The following PLAT variants were observed in gnomAD, a reference collection of about 807,000 sequenced individuals.
PLAT encodes tissue-type plasminogen activator.
Under a neutral mutation model 74.9 loss-of-function variants are expected in PLAT, and 48 were observed. The ratio of observed to expected loss-of-function variants is 0.64; its 90% CI spans 0.51 to 0.82. The LOEUF is 0.82. Among genes scored for constraint, PLAT ranks in the 40% least tolerant of loss-of-function variants. PLAT has a pLI of 0.00. For missense variants in PLAT, 673 were observed against 736.2 expected (o/e 0.91, Z 0.99); for synonymous variants, 307 against 294.4 (o/e 1.04, Z -0.44).
At chr8:42,184,146 G>A (rs1310777081) in intron 7 of PLAT, among the ~76,000 whole-genome samples, 2 of 151,884 alleles carry the variant, frequency 1.3e-5, no homozygotes, top group African/African-American at 4.8e-5. Context: ...TCACTTTGTT[G>A]CCCAGGCTGG....
At chr8:42,194,794 A>ACCCC (rs8178720) in intron 1 of PLAT, among the ~76,000 whole-genome samples, 1 of 121,820 alleles carries the variant, frequency 8.2e-6, no homozygotes, top group Non-Finnish European at 1.7e-5. Flanking sequence ...CTCCACGCCC[A>ACCCC]CCCCCCCCAC....
intron 1 of PLAT, among the ~76,000 whole-genome samples, chr8:42,194,794 A>ACCCCCCCCCCC (rs8178720): frequency 8.2e-6 from 1 of 121,812 alleles, no homozygotes; most frequent in African/African-American, 3.6e-5. Flanking sequence ...CTCCACGCCC[A>ACCCCCCCCCCC]CCCCCCCCAC....
chr8:42,203,992 T>TATATATATATACACAC (rs1554499838), intron 1 of PLAT, among the ~76,000 whole-genome samples: 1 of 109,894 alleles, frequency 9.1e-6, no homozygotes, highest in African/African-American at 5.2e-5. Flanking sequence ...TATATATATA[T>TATATATATATACACAC]ACACACACAC....
rs1220576022 is a variant in PLAT, at chr8:42,175,428, A to G, written c.*565T>C. 6.5e-6 allele frequency: 1 copy of G among 153,248 alleles called. No individual in the cohort carries two copies. The highest frequency in any genetic ancestry group is 1.5e-5 in the Non-Finnish European group (1 of 68,732). The allele number at this position is 153,248 out of a possible 1,614,324, so 9.5% of individuals were successfully genotyped here. On this transcript the variant is annotated 3_prime_UTR_variant, in exon 14 of 14. Transcript: ENST00000220809. The stretch of plus-strand genomic sequence containing the variant: ...TTACACTTTACACACTGTACACAAA[A>G]GGAATACCTTCTGAGAGCCAGGGAG...
chr8:42,179,402 C>T (rs974407870), intron 12 of PLAT, among the ~76,000 whole-genome samples: 5 of 152,144 alleles, frequency 3.3e-5, no homozygotes, highest in Non-Finnish European at 5.9e-5. Flanking sequence ...ACTGTAACAA[C>T]CAAAAACGTC....
rs182940509 is a variant in PLAT, at chr8:42,193,258, A to G, written c.-26-47T>C. On this transcript the variant is annotated intron_variant, in intron 1 of 13. Coordinates refer to ENST00000220809, the MANE Select transcript of PLAT (RefSeq NM_000930.5). Reference sequence around the variant, plus strand: ...CTTGATCACGGGGTGCGAGAGGTCCATGATGGCAACAGAGGAGGATAAGCC... The same window carrying G: ...CTTGATCACGGGGTGCGAGAGGTCCGTGATGGCAACAGAGGAGGATAAGCC... 4.4e-4 allele frequency: 543 copies of G among 1,240,610 alleles called. 2 individuals carry two copies. The African/African-American group carries it at 7.3e-3, about 17-fold the overall frequency. 76.9% of individuals were successfully genotyped at this position (1,240,610 alleles called of 1,614,324 possible). A position where few individuals can be genotyped will look rare whatever the true frequency, so the allele number is the denominator to read the frequency against.
chr8:42,186,606 G>A (rs775291546), intron 6 of PLAT: 8 of 152,208 alleles, frequency 5.3e-5, no homozygotes, highest in Non-Finnish European at 1.0e-4. Context: ...TCCTGAGGCT[G>A]TGTCACGGGG....
In PLAT at chr8:42,181,976, G is replaced by C; in HGVS notation, c.850C>G (p.Arg284Gly). The C allele has an allele frequency of 6.2e-7, 1 of 1,612,816 alleles. No homozygotes were observed. The highest frequency in any genetic ancestry group is 1.1e-5 in the South Asian group (1 of 91,056). ...AKPWCHVLKN[R>G]RLTWEYCDVP... Reference sequence around the variant, plus strand: ...TCACAGTACTCCCACGTCAGCCTGCGGTTCTTCAGCACGTGGCACCAGGGC... The same window carrying C: ...TCACAGTACTCCCACGTCAGCCTGCCGTTCTTCAGCACGTGGCACCAGGGC... The change falls in exon 9 of 14, where the codon CGC (arginine) becomes GGC (glycine). Residue 284 changes from arginine (R) to glycine (G), a missense_variant. Transcript: ENST00000220809.
At position 42,175,627 on chromosome 8, in the gene PLAT, A is replaced by G. The variant is rs1804938704; in HGVS notation, c.*366T>C. Reference sequence around the variant, plus strand: ...TCTTGTTATCTTTTACTATTGAGACATGCTTTCATTTTTGTGGTCCTGTTT... The same window carrying G: ...TCTTGTTATCTTTTACTATTGAGACGTGCTTTCATTTTTGTGGTCCTGTTT... On this transcript the variant is annotated 3_prime_UTR_variant, in exon 14 of 14. Coordinates refer to ENST00000220809, the MANE Select transcript of PLAT (RefSeq NM_000930.5). 5.3e-6 allele frequency: 1 copy of G among 188,494 alleles called. No individual in the cohort carries two copies. The highest frequency in any genetic ancestry group is 2.3e-5 in the African/African-American group (1 of 43,274). The allele number at this position is 188,494 out of a possible 1,614,324, so 11.7% of individuals were successfully genotyped here.
chr8:42,193,904 C>T (rs1457512167), intron 1 of PLAT, among the ~76,000 whole-genome samples: 17 of 151,842 alleles, frequency 1.1e-4, no homozygotes, highest in Middle Eastern at 3.4e-3. Context: ...TTAGTAGAGA[C>T]GGGGTTTCAC....
At position 42,187,512 on chromosome 8, in the gene PLAT, G is replaced by A. The variant is rs199724423; in HGVS notation, c.425C>T (p.Ala142Val). 34 of 1,611,754 alleles carry A rather than the reference G, an allele frequency of 2.1e-5. No homozygotes were observed. The East Asian group carries it at 3.3e-4, about 16-fold the overall frequency. ...GISYRGTWST[A>V]ESGAECTNWN... ...GTTGGTGCACTCGGCGCCACTCTCC[G>A]CTGTGCTCCACGTGCCCCTGTAGCT... The change falls in exon 6 of 14, where the codon GCG (alanine) becomes GTG (valine). Residue 142 changes from alanine to valine, a missense_variant. Coordinates refer to ENST00000220809, the MANE Select transcript of PLAT (RefSeq NM_000930.5).
At chr8:42,207,260 T>G (rs879696701) in intron 1 of PLAT, among the ~76,000 whole-genome samples, 4 of 152,190 alleles carry the variant, frequency 2.6e-5, no homozygotes, top group Non-Finnish European at 5.9e-5. Flanking sequence ...GCAACCTCCC[T>G]AGTCTCCCTT....
At chr8:42,184,229 C>T (rs1442989908) in intron 7 of PLAT, among the ~76,000 whole-genome samples, 3 of 152,100 alleles carry the variant, frequency 2.0e-5, no homozygotes, top group Non-Finnish European at 2.9e-5. Flanking sequence ...ACACGAGCCA[C>T]TGCACCTGGC....
At chr8:42,197,588 T>C (rs1043918358) in intron 1 of PLAT, among the ~76,000 whole-genome samples, 4 of 152,134 alleles carry the variant, frequency 2.6e-5, no homozygotes, top group African/African-American at 4.8e-5. Context: ...GGGGAAATGA[T>C]GGTCGATGGG....
At chr8:42,176,633 A>G (rs1166252362) in intron 13 of PLAT, among the ~76,000 whole-genome samples, 1 of 152,258 alleles carries the variant, frequency 6.6e-6, no homozygotes, top group South Asian at 2.1e-4. Flanking sequence ...ACACGAATGC[A>G]TGATAAACTG....
chr8:42,197,104 T>G (rs1805940152), intron 1 of PLAT, among the ~76,000 whole-genome samples: 1 of 152,160 alleles, frequency 6.6e-6, no homozygotes, highest in African/African-American at 2.4e-5. Flanking sequence ...TGGATGAAGT[T>G]CAGCAGTCTC....
At chr8:42,194,050 C>CTTTTTCT (rs1805798477) in intron 1 of PLAT, among the ~76,000 whole-genome samples, 1 of 84,910 alleles carries the variant, frequency 1.2e-5, no homozygotes, top group South Asian at 4.8e-4. Flanking sequence ...TTTCTTCTTT[C>CTTTTTCT]TTTTTTTTTT....
intron 1 of PLAT, among the ~76,000 whole-genome samples, chr8:42,194,500 G>A (rs1805829527): frequency 6.6e-6 from 1 of 152,184 alleles, no homozygotes; most frequent in Non-Finnish European, 1.5e-5. Flanking sequence ...TTTGCCCAGA[G>A]ATTTCTGTGG....
intron 6 of PLAT, chr8:42,185,881 AG>A (rs1805435127): frequency 6.6e-6 from 1 of 152,228 alleles, no homozygotes; most frequent in Admixed American, 6.5e-5. Flanking sequence ...AGGCCTTAAG[AG>A]CAAATATGAG....
Sources: gnomAD v4.1 joint callset for allele counts (sites outside exome capture counted in the v4.1 genomes callset) on GRCh38, gnomAD v4.1.1 for gene constraint, MANE v1.5 for transcripts, NCBI Gene and HGNC (gene_info 2026-07-23, HGNC 2026-07-21) for gene names.